UBE2H: variants seen among roughly 807,000 people sequenced by gnomAD.
The protein encoded by UBE2H is ubiquitin-conjugating enzyme E2 H.
UBE2H carries 3 observed loss-of-function variants against 29.0 expected under a neutral mutation model. That is an observed-to-expected ratio of 0.10 (90% CI 0.05 to 0.27). The LOEUF (loss-of-function observed/expected upper bound fraction) is 0.27. Ranked by LOEUF, UBE2H falls within the 10% of genes least tolerant of loss-of-function variation. UBE2H has a pLI of 1.00. For missense variants in UBE2H, 68 were observed against 228.2 expected (o/e 0.30, Z 4.52); for synonymous variants, 69 against 82.9 (o/e 0.83, Z 0.91).
chr7:129,846,037 T>G (rs1206669609), intron 5 of UBE2H, among the ~76,000 whole-genome samples: 1 of 152,086 alleles, frequency 6.6e-6, no homozygotes, highest in Non-Finnish European at 1.5e-5. Flanking sequence ...CTGAAAAAAA[T>G]GTACCAATTC....
chr7:129,880,708 C>T (rs1463242942), intron 2 of UBE2H, among the ~76,000 whole-genome samples, 187 bp downstream of exon 2: 1 of 152,140 alleles, frequency 6.6e-6, no homozygotes, highest in East Asian at 1.9e-4. Flanking sequence ...AACCAATCCC[C>T]TACAGATATC....
At chr7:129,898,995 G>A (rs192824679) in intron 1 of UBE2H, among the ~76,000 whole-genome samples, 1 of 152,260 alleles carries the variant, frequency 6.6e-6, no homozygotes, top group African/African-American at 2.4e-5. Flanking sequence ...AAACTGTTCT[G>A]TAAATACCTC....
chr7:129,857,856 C>T (rs1036985727), intron 4 of UBE2H, among the ~76,000 whole-genome samples: 51 of 152,066 alleles, frequency 3.4e-4, no homozygotes, highest in African/African-American at 1.2e-3. Context: ...AATGTGATAC[C>T]CCAAGAAGGA....
chr7:129,922,747 A>G (rs1807188820), intron 1 of UBE2H, among the ~76,000 whole-genome samples: 1 of 152,130 alleles, frequency 6.6e-6, no homozygotes, highest in East Asian at 1.9e-4. Flanking sequence ...TTCTAATTAT[A>G]TGTATCTGAG....
rs529126426 is a variant in UBE2H, at chr7:129,875,909, T to G, written c.205+3659A>C. On this transcript the variant is annotated intron_variant, in intron 3 of 6. Transcript: ENST00000355621. ...AAATCTTCATGAACTGGGGATTACTTGGGGTTCTGAATGAGTATCTCTAAA... is the reference window on the plus strand; with the variant it reads ...AAATCTTCATGAACTGGGGATTACTGGGGGTTCTGAATGAGTATCTCTAAA... Among the ~76,000 whole-genome samples the G allele has an allele frequency of 7.9e-5, 12 of 152,322 alleles. No homozygotes were observed. The East Asian group carries it at 2.1e-3, about 27-fold the overall frequency.
intron 1 of UBE2H, among the ~76,000 whole-genome samples, chr7:129,931,087 G>A (rs544121359): frequency 4.7e-5 from 7 of 149,896 alleles, no homozygotes; most frequent in African/African-American, 9.8e-5. Flanking sequence ...GCGTGGTGGT[G>A]CATGCCTGTA....
chr7:129,867,726 A>AG (rs1563027585), intron 3 of UBE2H, among the ~76,000 whole-genome samples: 1 of 106,044 alleles, frequency 9.4e-6, no homozygotes, highest in East Asian at 2.7e-4. Flanking sequence ...AAGAAAACCA[A>AG]AAAAAAAAAA....
intron 1 of UBE2H, among the ~76,000 whole-genome samples, chr7:129,925,788 G>C (rs1807256438): frequency 6.6e-6 from 1 of 152,182 alleles, no homozygotes; most frequent in African/African-American, 2.4e-5. Context: ...CGTGATGGCA[G>C]AAGCGATGCC....
At chr7:129,903,938 C>T (rs1451973216) in intron 1 of UBE2H, among the ~76,000 whole-genome samples, 3 of 152,130 alleles carry the variant, frequency 2.0e-5, no homozygotes, top group Non-Finnish European at 2.9e-5. Context: ...ATCTTTCAAT[C>T]GTTATTTTTT....
At chr7:129,920,848 C>CAAAAAAAAAAAAAA (rs11347186) in intron 1 of UBE2H, among the ~76,000 whole-genome samples, 2 of 73,980 alleles carry the variant, frequency 2.7e-5, no homozygotes, top group African/African-American at 5.1e-5. Context: ...TAGAAAAAGT[C>CAAAAAAAAAAAAAA]AAAAAAAAAA....
At chr7:129,929,332 A>AAAG (rs1157751338) in intron 1 of UBE2H, among the ~76,000 whole-genome samples, 1 of 151,978 alleles carries the variant, frequency 6.6e-6, no homozygotes, top group Admixed American at 6.6e-5. Context: ...AAAAAAAAAA[A>AAAG]AAGAAGAGTA....
intron 3 of UBE2H, among the ~76,000 whole-genome samples, chr7:129,867,714 A>G (rs1417686391): frequency 1.1e-5 from 1 of 88,992 alleles, no homozygotes; most frequent in African/African-American, 4.9e-5. Flanking sequence ...AAAAAAAAAA[A>G]AAAGAAAACC....
At chr7:129,917,120 G>C (rs1199281646) in intron 1 of UBE2H, among the ~76,000 whole-genome samples, 1 of 151,976 alleles carries the variant, frequency 6.6e-6, no homozygotes, top group Non-Finnish European at 1.5e-5. Context: ...CTTGAACCTG[G>C]GAGGTGGAAG....
At chr7:129,909,977 G>C (rs897503141) in intron 1 of UBE2H, among the ~76,000 whole-genome samples, 1 of 152,120 alleles carries the variant, frequency 6.6e-6, no homozygotes, top group East Asian at 1.9e-4. Context: ...CAAATATAGA[G>C]GGGGGGTGAT....
chr7:129,858,725 G>A (rs933930822), intron 4 of UBE2H, among the ~76,000 whole-genome samples, 177 bp downstream of exon 4: 5 of 152,176 alleles, frequency 3.3e-5, no homozygotes, highest in African/African-American at 1.2e-4. Flanking sequence ...ACAGCAGAAT[G>A]TGAACTAAGT....
At chr7:129,949,675 G>A (rs1399605918) in intron 1 of UBE2H, among the ~76,000 whole-genome samples, 1 of 152,196 alleles carries the variant, frequency 6.6e-6, no homozygotes, top group Non-Finnish European at 1.5e-5. Context: ...ACAACAACCA[G>A]AGACGGTGTC....
chr7:129,881,148 T>C (rs909709569), intron 1 of UBE2H, among the ~76,000 whole-genome samples, 177 bp from the exon 2 acceptor site: 9 of 152,234 alleles, frequency 5.9e-5, no homozygotes, highest in African/African-American at 2.2e-4. Context: ...TAAGAAGATA[T>C]GCATGAGCTT....
chr7:129,898,452 T>C (rs899397228), intron 1 of UBE2H, among the ~76,000 whole-genome samples: 4 of 152,190 alleles, frequency 2.6e-5, no homozygotes, highest in African/African-American at 9.7e-5. Context: ...TGTATTGTTA[T>C]GAAGTATGAG....
chr7:129,850,806 C>T (rs970836831), intron 5 of UBE2H, among the ~76,000 whole-genome samples: 2 of 138,828 alleles, frequency 1.4e-5, no homozygotes, highest in Non-Finnish European at 3.0e-5. Flanking sequence ...CAGAGTAAGA[C>T]TCTGTCTCAA....
Sources: gnomAD v4.1 joint callset for allele counts (sites outside exome capture counted in the v4.1 genomes callset) on GRCh38, gnomAD v4.1.1 for gene constraint, MANE v1.5 for transcripts, NCBI Gene and HGNC (gene_info 2026-07-23, HGNC 2026-07-21) for gene names.